PKP4: variants seen among roughly 807,000 people sequenced by gnomAD.
The protein encoded by PKP4 is plakophilin-4.
Under a neutral mutation model 145.1 loss-of-function variants are expected in PKP4, and 90 were observed. The observed-to-expected ratio is 0.62, with a 90% CI of 0.52 to 0.74. The LOEUF (loss-of-function observed/expected upper bound fraction) is 0.74, where lower values mean the gene tolerates loss of function less well. Among genes scored for constraint, PKP4 ranks in the 30% least tolerant of loss-of-function variants. The pLI is 0.00. For synonymous variants in PKP4, 563 were observed against 577.2 expected (o/e 0.98, Z 0.35); for missense variants, 1,340 against 1,482.7 (o/e 0.90, Z 1.58).
At chr2:158,608,302 G>A (rs1294902462) in intron 4 of PKP4, among the ~76,000 whole-genome samples, 1 of 151,850 alleles carries the variant, frequency 6.6e-6, no homozygotes, top group African/African-American at 2.4e-5. Context: ...TTTCTAGTAG[G>A]CTGTGCAATC....
chr2:158,624,870 T>C lies in PKP4; in HGVS notation c.604-8T>C. The C allele has an allele frequency of 2.6e-6, 4 of 1,557,976 alleles. No individual in the cohort carries two copies. The highest frequency in any genetic ancestry group is 3.5e-6 in the Non-Finnish European group (4 of 1,150,764). On this transcript the variant is annotated splice_polypyrimidine_tract_variant and splice_region_variant and intron_variant, in intron 6 of 21. Coordinates refer to ENST00000389759, the MANE Select transcript of PKP4 (RefSeq NM_003628.6). The stretch of plus-strand genomic sequence containing the variant: ...AACCCATTCTCTTTTTTCCCCCCCT[T>C]TCATCAGCCATCAGTAGCCAATCGG...
rs1042199765 is a variant in PKP4 at position 158,604,252 on chromosome 2, G to A, written c.280+1148G>A. 1.1e-4 allele frequency among the ~76,000 whole-genome samples: 17 copies of A among 152,278 alleles called. No homozygotes were observed. In the East Asian group the frequency reaches 2.7e-3, roughly 24 times the overall value. Reference sequence around the variant, plus strand: ...AGGGCATTGTCACTGGGCAAAAGAAGAGACAACACAAGTGTCACGGGAAGG... The same window carrying A: ...AGGGCATTGTCACTGGGCAAAAGAAAAGACAACACAAGTGTCACGGGAAGG... On this transcript the variant is annotated intron_variant, in intron 4 of 21. Coordinates refer to ENST00000389759, the MANE Select transcript of PKP4 (RefSeq NM_003628.6).
intron 1 of PKP4, among the ~76,000 whole-genome samples, chr2:158,531,668 A>C (rs1458745325): frequency 6.6e-6 from 1 of 152,192 alleles, no homozygotes; most frequent in Non-Finnish European, 1.5e-5. Context: ...AGCCATTTTT[A>C]TCAGTGAGGA....
At chr2:158,461,330 A>G (rs1282804695) in intron 1 of PKP4, among the ~76,000 whole-genome samples, 1 of 152,148 alleles carries the variant, frequency 6.6e-6, no homozygotes, top group Non-Finnish European at 1.5e-5. Context: ...TTTCCTTTTC[A>G]TAATTCAGAT....
rs1405234464 is a variant in PKP4 at position 158,504,330 on chromosome 2, T to C, written c.-5-28850T>C. Among the ~76,000 whole-genome samples the C allele has an allele frequency of 2.0e-5, 3 of 152,342 alleles. No homozygotes were observed. The South Asian group carries it at 6.2e-4, about 32-fold the overall frequency. On this transcript the variant is annotated intron_variant, in intron 1 of 21. Coordinates refer to ENST00000389759, the MANE Select transcript of PKP4 (RefSeq NM_003628.6). The stretch of plus-strand genomic sequence containing the variant: ...CACATAGTGGACACTGAGTAAATGC[T>C]GGAATGAACAAATGAACAATTGTCC...
chr2:158,647,666 G>A (rs1007813590), intron 11 of PKP4, among the ~76,000 whole-genome samples: 1 of 152,154 alleles, frequency 6.6e-6, no homozygotes, highest in Non-Finnish European at 1.5e-5. Flanking sequence ...TGATTCTTGT[G>A]TTTTCCTCAT....
chr2:158,541,270 T>C (rs1036217681), intron 2 of PKP4, among the ~76,000 whole-genome samples: 1 of 152,154 alleles, frequency 6.6e-6, no homozygotes, highest in Non-Finnish European at 1.5e-5. Flanking sequence ...TGCAAAAATG[T>C]GTCCATATGG....
At chr2:158,610,563 A>T (rs917018394) in intron 4 of PKP4, among the ~76,000 whole-genome samples, 3 of 152,200 alleles carry the variant, frequency 2.0e-5, no homozygotes, top group African/African-American at 7.2e-5. Context: ...AAAAATAGCT[A>T]CACACAGTAT....
chr2:158,570,892 A>C (rs913151945), intron 2 of PKP4, among the ~76,000 whole-genome samples: 20 of 152,216 alleles, frequency 1.3e-4, no homozygotes, highest in Non-Finnish European at 2.1e-4. Context: ...TCCTATAATC[A>C]ACAAGATATG....
intron 3 of PKP4, among the ~76,000 whole-genome samples, chr2:158,580,098 CTG>C (rs1374023291): frequency 6.6e-6 from 1 of 152,112 alleles, no homozygotes; most frequent in Non-Finnish European, 1.5e-5. Context: ...ATGTTAACAA[CTG>C]TTAAATGAGG....
chr2:158,531,535 C>T (rs2043545093), intron 1 of PKP4, among the ~76,000 whole-genome samples: 1 of 152,136 alleles, frequency 6.6e-6, no homozygotes, highest in Admixed American at 6.5e-5. Context: ...CTTTAATGAG[C>T]ACTTGATACA....
intron 2 of PKP4, among the ~76,000 whole-genome samples, chr2:158,574,007 G>C (rs2047629683): frequency 6.6e-6 from 1 of 152,246 alleles, no homozygotes; most frequent in African/African-American, 2.4e-5. Context: ...TCCTTGGGCA[G>C]TGTAGCTCTG....
chr2:158,638,099 T>A (rs2053966250), intron 9 of PKP4, among the ~76,000 whole-genome samples: 1 of 152,210 alleles, frequency 6.6e-6, no homozygotes, highest in African/African-American at 2.4e-5. Flanking sequence ...ATCACACTCC[T>A]TGCACTCTGT....
chr2:158,626,976 A>G (rs1426282921), intron 7 of PKP4, among the ~76,000 whole-genome samples: 1 of 152,176 alleles, frequency 6.6e-6, no homozygotes, highest in Non-Finnish European at 1.5e-5. Flanking sequence ...CTTACATAGT[A>G]AAATTAGTAT....
At chr2:158,530,438 G>A (rs1020059920) in intron 1 of PKP4, among the ~76,000 whole-genome samples, 1 of 151,488 alleles carries the variant, frequency 6.6e-6, no homozygotes, top group Non-Finnish European at 1.5e-5. Flanking sequence ...AGCAAATTGA[G>A]GTCACTGAGG....
chr2:158,599,847 C>T (rs185162329), intron 3 of PKP4, among the ~76,000 whole-genome samples: 2 of 152,314 alleles, frequency 1.3e-5, no homozygotes, highest in East Asian at 1.9e-4. Context: ...TTGTGAACTT[C>T]ACTCACTGGC....
intron 1 of PKP4, among the ~76,000 whole-genome samples, chr2:158,523,242 T>C (rs2042589290): frequency 6.7e-6 from 1 of 148,412 alleles, no homozygotes; most frequent in Admixed American, 6.8e-5. Flanking sequence ...TCTGACAGCT[T>C]TGAAGAGAGC....
At chr2:158,601,339 T>C (rs766314142) in intron 3 of PKP4, among the ~76,000 whole-genome samples, 1 of 152,196 alleles carries the variant, frequency 6.6e-6, no homozygotes, top group Non-Finnish European at 1.5e-5. Context: ...GGCAGTTTGA[T>C]TTACCATGTA....
intron 3 of PKP4, among the ~76,000 whole-genome samples, chr2:158,589,181 A>G (rs1005310179): frequency 2.6e-5 from 4 of 152,068 alleles, no homozygotes; most frequent in African/African-American, 9.7e-5. Flanking sequence ...TGTAATTTGC[A>G]GTTTGATAGT....
Sources: allele counts gnomAD v4.1 joint callset (sites outside exome capture counted in the v4.1 genomes callset), GRCh38; gene constraint gnomAD v4.1.1; transcripts MANE v1.5; gene names NCBI Gene and HGNC (gene_info 2026-07-23, HGNC 2026-07-21).